The following C2CD2 variants were observed in gnomAD, a reference collection of about 807,000 sequenced individuals.
The protein encoded by C2CD2 is C2 domain-containing protein 2.
In C2CD2, 43 loss-of-function variants were observed where a neutral mutation model predicts 74.3. The observed-to-expected ratio is 0.58, with a 90% confidence interval of 0.45 to 0.75. C2CD2 has a LOEUF of 0.75. C2CD2 is among the 30% of genes least tolerant of loss of function. C2CD2 has a pLI of 0.00. For missense variants in C2CD2, 801 were observed against 916.3 expected, an observed-to-expected ratio of 0.87 and a Z score of 1.63; for synonymous variants, 422 against 390.7, an observed-to-expected ratio of 1.08 and a Z score of -0.94.
intron 2 of C2CD2, among the ~76,000 whole-genome samples, chr21:41,938,646 C>T (rs1023131188): frequency 1.3e-5 from 2 of 152,114 alleles, no homozygotes; most frequent in African/African-American, 4.8e-5. Context: ...TGGACTCATA[C>T]AGCATTTGTC....
Position 41,901,714 on chromosome 21 carries a change from C to A in C2CD2, c.1468G>T (p.Glu490Ter), listed in dbSNP as rs1241949802. 1.9e-6 allele frequency: 3 copies of A among 1,613,882 alleles called. No homozygotes were observed. Among genetic ancestry groups the A allele is most frequent in the Admixed American group, 1.7e-5 (1 of 60,016 alleles). The change falls in exon 12 of 14, where the codon GAA becomes TAA. Residue 490 changes from glutamate (E) to a stop codon, truncating the protein, a stop_gained. Coordinates refer to ENST00000380486, the MANE Select transcript of C2CD2 (RefSeq NM_015500.2). LOFTEE classifies it high-confidence loss of function. ...TCACTGAGCTGTCGAATGGCCACTT[C>A]AGCCACTGGATCCGAACCATTCAAC... The part of the protein sequence containing the change: ...LVLNGSDPVA[E>*]VAIRQLSESS...
chr21:41,890,339 A>G (rs1316936877), intron 13 of C2CD2, among the ~76,000 whole-genome samples: 1 of 152,242 alleles, frequency 6.6e-6, no homozygotes, highest in African/African-American at 2.4e-5. Context: ...ACCTGGCTAT[A>G]GATATCCATC....
chr21:41,910,097 G>A (rs1260764546), intron 7 of C2CD2, among the ~76,000 whole-genome samples: 1 of 151,506 alleles, frequency 6.6e-6, no homozygotes, highest in African/African-American at 2.4e-5. Context: ...GCCCCCCAAC[G>A]TGCTGGGATT....
At chr21:41,947,737 G>A (rs2065413422) in intron 1 of C2CD2, among the ~76,000 whole-genome samples, 1 of 152,202 alleles carries the variant, frequency 6.6e-6, no homozygotes, top group Admixed American at 6.5e-5. Context: ...CTCACCTCTA[G>A]GAGAGTGGAT....
At position 41,953,980 on chromosome 21, in the gene C2CD2, C is replaced by T. The variant is rs1433746720; in HGVS notation, c.-332G>A. ...TTCCTCCTGCGCGCGCCGCCCCGGGCGTCCCGCCCGCGGCCCAGCGGTGGC... is the reference window on the plus strand; with the variant it reads ...TTCCTCCTGCGCGCGCCGCCCCGGGTGTCCCGCCCGCGGCCCAGCGGTGGC... On this transcript the variant is annotated 5_prime_UTR_variant, in exon 1 of 14. Transcript: ENST00000380486. 2.0e-5 allele frequency: 3 copies of T among 147,618 alleles called. No individual in the cohort carries two copies. The highest frequency in any genetic ancestry group is 4.5e-5 in the Non-Finnish European group (3 of 66,444). The allele number at this position is 147,618 out of a possible 1,614,324, so 9.1% of individuals were successfully genotyped here.
chr21:41,926,658 T>C lies in C2CD2; in HGVS notation c.379-4573A>G. The C allele has an allele frequency of 4.0e-5, 39 of 984,068 alleles. No homozygotes were observed. The highest frequency in any genetic ancestry group is 4.7e-5 in the Non-Finnish European group (39 of 828,774). 61.0% of individuals were successfully genotyped at this position (984,068 alleles called of 1,614,324 possible). A position where few individuals can be genotyped will look rare whatever the true frequency, so the allele number is the denominator to read the frequency against. The stretch of plus-strand genomic sequence containing the variant: ...CAGGCACAGTTACTCCAGATTTTGC[T>C]ACTGTTCACCAACAAGAGAGCCCCT... On this transcript the variant is annotated intron_variant, in intron 2 of 13. Transcript: ENST00000380486. The surrounding 1 kb of genome is among the most constrained non-coding windows in gnomAD (Gnocchi z 8.0).
chr21:41,935,266 T>C (rs1601597232), intron 2 of C2CD2, among the ~76,000 whole-genome samples: 1 of 152,142 alleles, frequency 6.6e-6, no homozygotes. Flanking sequence ...ATAAATGGAA[T>C]ATAGTGTAAA....
intron 5 of C2CD2, among the ~76,000 whole-genome samples, chr21:41,916,664 TACACACACACACACACACAC>T (rs10580778): frequency 1.2e-4 from 17 of 144,754 alleles, no homozygotes; most frequent in African/African-American, 3.8e-4. Context: ...GTGAGCTGAT[TACACACACACACACACACAC>T]ACACACACAC....
chr21:41,909,698 A>C (rs962921624), intron 7 of C2CD2, among the ~76,000 whole-genome samples, 175 bp from the exon 8 acceptor site: 7 of 152,152 alleles, frequency 4.6e-5, no homozygotes, highest in Admixed American at 3.3e-4. Context: ...CCCATTCGGA[A>C]ACAGTTACTG....
At chr21:41,914,551 G>T in intron 6 of C2CD2, 47 bp downstream of exon 6, 1 of 1,588,044 alleles carries the variant, frequency 6.3e-7, no homozygotes. Context: ...CTCTGCTCAG[G>T]GGCTGGAAGA....
chr21:41,893,462 AAAG>A (rs2064781270), intron 13 of C2CD2, among the ~76,000 whole-genome samples: 1 of 152,174 alleles, frequency 6.6e-6, no homozygotes, highest in African/African-American at 2.4e-5. Context: ...CTGCATGTAA[AAAG>A]ATGGTAGACA....
chr21:41,948,343 C>T (rs1165572530), intron 1 of C2CD2, among the ~76,000 whole-genome samples: 1 of 151,894 alleles, frequency 6.6e-6, no homozygotes, highest in Non-Finnish European at 1.5e-5. Context: ...TGCCCCAGCT[C>T]ACAATGCCGG....
chr21:41,897,895 G>C (rs2064842894), intron 13 of C2CD2, among the ~76,000 whole-genome samples: 1 of 152,168 alleles, frequency 6.6e-6, no homozygotes, highest in Non-Finnish European at 1.5e-5. Context: ...CCTGTGCACG[G>C]CAGGGCGCTG....
chr21:41,932,898 TC>T (rs2065275044), intron 2 of C2CD2, among the ~76,000 whole-genome samples: 2 of 149,972 alleles, frequency 1.3e-5, no homozygotes, highest in African/African-American at 4.9e-5. Flanking sequence ...GAAAAAGGCA[TC>T]CAGTGGGCAC....
intron 1 of C2CD2, among the ~76,000 whole-genome samples, chr21:41,948,686 A>G (rs2065422527): frequency 6.6e-6 from 1 of 151,878 alleles, no homozygotes; most frequent in South Asian, 2.1e-4. Flanking sequence ...AGTTCTACCA[A>G]CTGGCTTCCT....
At chr21:41,949,791 T>C (rs960337366) in intron 1 of C2CD2, among the ~76,000 whole-genome samples, 1 of 152,186 alleles carries the variant, frequency 6.6e-6, no homozygotes, top group Admixed American at 6.5e-5. Context: ...ATATACACCA[T>C]GGAATACTAT....
At chr21:41,938,861 C>T (rs974759575) in intron 2 of C2CD2, among the ~76,000 whole-genome samples, 18 of 151,876 alleles carry the variant, frequency 1.2e-4, no homozygotes, top group African/African-American at 4.4e-4. Context: ...CCTGCCTCAG[C>T]CTCCTAAGTA....
chr21:41,901,762 A>AG lies in C2CD2; in HGVS notation c.1433-14dup. The AG allele has an allele frequency of 6.2e-7, 1 of 1,613,528 alleles. No individual in the cohort carries two copies. The highest frequency in any genetic ancestry group is 1.3e-5 in the African/African-American group (1 of 75,046). On this transcript the variant is annotated splice_polypyrimidine_tract_variant and intron_variant, in intron 11 of 13. Transcript: ENST00000380486. ...AACACCAACAATTCTACCAGAAGGA[A>AG]GGCAGTGTTAAGTTCATCAGCAAAA...
At chr21:41,931,418 A>T (rs1402349673) in intron 2 of C2CD2, among the ~76,000 whole-genome samples, 1 of 127,282 alleles carries the variant, frequency 7.9e-6, no homozygotes, top group African/African-American at 2.8e-5. Context: ...GTCTTTTGAG[A>T]AGAGTGTCTT....
Sources: allele counts gnomAD v4.1 joint callset (sites outside exome capture counted in the v4.1 genomes callset), GRCh38; gene constraint gnomAD v4.1.1; non-coding constraint Gnocchi (gnomAD v3.1); transcripts MANE v1.5; gene names NCBI Gene and HGNC (gene_info 2026-07-23, HGNC 2026-07-21).